ACAN: variants seen among roughly 807,000 people sequenced by gnomAD.
The protein encoded by ACAN is aggrecan core protein.
Under a neutral mutation model 169.1 loss-of-function variants are expected in ACAN, and 47 were observed. The observed-to-expected ratio is 0.28, with a 90% CI of 0.22 to 0.35. The LOEUF (loss-of-function observed/expected upper bound fraction) is 0.35. Ranked by LOEUF, ACAN falls within the 10% of genes least tolerant of loss-of-function variation. The pLI, the probability that ACAN is intolerant of heterozygous loss-of-function variation, is 1.00. For synonymous variants in ACAN, 1,115 were observed against 1,112.2 expected, an observed-to-expected ratio of 1.00 and a Z score of -0.05; for missense variants, 2,716 against 2,759.9, an observed-to-expected ratio of 0.98 and a Z score of 0.36.
Position 88,838,548 on chromosome 15 carries a change from C to T in ACAN, c.71-115C>T, listed in dbSNP as rs745980965. 2.4e-6 allele frequency: 3 copies of T among 1,260,916 alleles called. No homozygotes were observed. In the African/African-American group the frequency reaches 4.5e-5, roughly 19 times the overall value. 78.1% of individuals were successfully genotyped at this position (1,260,916 alleles called of 1,614,324 possible). On this transcript the variant is annotated intron_variant, in intron 2 of 18. Transcript: ENST00000560601. The surrounding 1 kb of genome is among the most constrained non-coding windows in gnomAD (Gnocchi z 5.1). Reference sequence around the variant, plus strand: ...CATCCCCATCATAGAGACAGACACACTCATCGGATTTCGCTCTCTCAGGAG... The same window carrying T: ...CATCCCCATCATAGAGACAGACACATTCATCGGATTTCGCTCTCTCAGGAG...
intron 9 of ACAN, among the ~76,000 whole-genome samples, chr15:88,848,941 CAGGT>C (rs1457034424): frequency 3.9e-5 from 6 of 152,344 alleles, no homozygotes; most frequent in Middle Eastern, 3.4e-3. Flanking sequence ...GGATAGGTAT[CAGGT>C]ACATCGCTAG....
At chr15:88,806,913 A>G (rs1895697197) in intron 1 of ACAN, among the ~76,000 whole-genome samples, 1 of 152,154 alleles carries the variant, frequency 6.6e-6, no homozygotes, top group South Asian at 2.1e-4. Flanking sequence ...AAAGGTAAGT[A>G]CTGTTTCTGG....
chr15:88,805,181 C>A (rs1182052538), intron 1 of ACAN, among the ~76,000 whole-genome samples: 2 of 152,122 alleles, frequency 1.3e-5, no homozygotes, highest in Admixed American at 1.3e-4. Flanking sequence ...GGACAAGGAG[C>A]AATCAGGTTG....
chr15:88,818,153 T>C (rs4932427), intron 1 of ACAN, among the ~76,000 whole-genome samples: 1 of 152,042 alleles, frequency 6.6e-6, no homozygotes, highest in African/African-American at 2.4e-5. Context: ...ATAGAAAAGA[T>C]GGGATAGAAG....
At position 88,861,931 on chromosome 15, in the gene ACAN, G is replaced by A. The variant is rs577874197; in HGVS notation, c.6946+1492G>A. ...ATTTCCACAGGGCTTTTGTTCCCAC[G>A]ATTTCTCCCCAGATGGCTCTGTAAG... On this transcript the variant is annotated intron_variant, in intron 13 of 18. Coordinates refer to ENST00000560601, the MANE Select transcript of ACAN (RefSeq NM_001369268.1). This position sits in a 1 kb window ranked among gnomAD's most constrained non-coding sequence, Gnocchi z 6.3. 4.6e-5 allele frequency among the ~76,000 whole-genome samples: 7 copies of A among 152,152 alleles called. No homozygotes were observed. Among genetic ancestry groups the A allele is most frequent in the Admixed American group, 3.9e-4 (6 of 15,274 alleles).
chr15:88,871,934 T>G lies in ACAN; in HGVS notation c.7220-69T>G. On this transcript the variant is annotated intron_variant, in intron 15 of 18. Coordinates refer to ENST00000560601, the MANE Select transcript of ACAN (RefSeq NM_001369268.1). This position sits in a 1 kb window ranked among gnomAD's most constrained non-coding sequence, Gnocchi z 7.8. ...TCCTCCTCCATCCCCTCTGCCTCCG[T>G]GAGCTCAAGTTTCTCAGACACCCTC... 405 of 1,381,504 alleles carry G rather than the reference T, an allele frequency of 2.9e-4. No homozygotes were observed. Among genetic ancestry groups the G allele is most frequent in the Non-Finnish European group, 3.8e-4 (366 of 967,406 alleles). The allele number at this position is 1,381,504 out of a possible 1,614,324, so 85.6% of individuals were successfully genotyped here.
Position 88,873,184 on chromosome 15 carries a change from C to T in ACAN, c.7447+159C>T, listed in dbSNP as rs991857648. ...CAGACTGGAGCTGACCTAGGGGTCC[C>T]TCCTAGCACCGGCATCCCAGGGCCA... On this transcript the variant is annotated intron_variant, in intron 17 of 18. Coordinates refer to ENST00000560601, the MANE Select transcript of ACAN (RefSeq NM_001369268.1). This position sits in a 1 kb window ranked among gnomAD's most constrained non-coding sequence, Gnocchi z 7.5. 4.6e-5 allele frequency among the ~76,000 whole-genome samples: 7 copies of T among 152,156 alleles called. No homozygotes were observed. In the East Asian group the frequency reaches 1.2e-3, roughly 25 times the overall value.
Position 88,839,864 on chromosome 15 carries a change from C to A in ACAN, c.455-148C>A. On this transcript the variant is annotated intron_variant, in intron 3 of 18. Transcript: ENST00000560601. This position sits in a 1 kb window ranked among gnomAD's most constrained non-coding sequence, Gnocchi z 4.5. The stretch of plus-strand genomic sequence containing the variant: ...CCAGCAAATTCAGAAGGATCACGTG[C>A]AAAGGTGTACAGGGAGTCATGCATC... 1 of 864,356 alleles carries A rather than the reference C, an allele frequency of 1.2e-6. No homozygotes were observed. The highest frequency in any genetic ancestry group is 1.7e-6 in the Non-Finnish European group (1 of 572,916). The allele number at this position is 864,356 out of a possible 1,614,324, so 53.5% of individuals were successfully genotyped here.
intron 8 of ACAN, 51 bp downstream of exon 8, chr15:88,847,468 T>G (rs1445448998): frequency 1.3e-6 from 2 of 1,483,546 alleles, no homozygotes; most frequent in East Asian, 2.5e-5. Context: ...AGGTCAGGCT[T>G]AAGGAGCCAC....
chr15:88,832,028 A>G (rs1156464436), intron 1 of ACAN, among the ~76,000 whole-genome samples: 2 of 152,142 alleles, frequency 1.3e-5, no homozygotes, highest in African/African-American at 4.8e-5. Context: ...TTTTGACTCA[A>G]TCTTGAAAGT....
intron 5 of ACAN, among the ~76,000 whole-genome samples, chr15:88,842,218 AG>A (rs1379795871): frequency 6.6e-6 from 1 of 152,128 alleles, no homozygotes; most frequent in African/African-American, 2.4e-5. Context: ...ATGCTGTCAA[AG>A]TCCAGCCCAG....
Position 88,872,750 on chromosome 15 carries a change from A to C in ACAN, c.7303-131A>C. 1 of 1,176,342 alleles carries C rather than the reference A, an allele frequency of 8.5e-7. No homozygotes were observed. The highest frequency in any genetic ancestry group is 2.5e-5 in the Admixed American group (1 of 39,860). 72.9% of individuals were successfully genotyped at this position (1,176,342 alleles called of 1,614,324 possible). The stretch of plus-strand genomic sequence containing the variant: ...GATTCCCAGCAGTTTTTGTGCTGCT[A>C]TCAGATGAGCCTGAAGTTGGTGCTA... On this transcript the variant is annotated intron_variant, in intron 16 of 18. Coordinates refer to ENST00000560601, the MANE Select transcript of ACAN (RefSeq NM_001369268.1). This position sits in a 1 kb window ranked among gnomAD's most constrained non-coding sequence, Gnocchi z 5.4.
chr15:88,834,922 T>G (rs1016442634), intron 1 of ACAN, among the ~76,000 whole-genome samples: 1 of 152,160 alleles, frequency 6.6e-6, no homozygotes, highest in African/African-American at 2.4e-5. Context: ...TTCTCTTGGG[T>G]CTTCTTGGGT....
intron 9 of ACAN, among the ~76,000 whole-genome samples, chr15:88,848,904 A>G (rs895524468): frequency 3.3e-5 from 5 of 152,222 alleles, no homozygotes; most frequent in Non-Finnish European, 7.3e-5. Flanking sequence ...GGTGTTCAGT[A>G]AGTGTAAGCC....
rs116530539 is a variant in ACAN at position 88,859,091 on chromosome 15, G to A, written c.6506G>A (p.Gly2169Glu). Residue 2169 changes from glycine (G) to glutamate (E), a missense_variant, in exon 12 of 19, where the codon GGA becomes GAA. Around this residue, in one of 3 missense-constraint regions of ACAN, gnomAD observed 1,389 missense variants for 1,363.7 expected, o/e 1.02. Coordinates refer to ENST00000560601, the MANE Select transcript of ACAN (RefSeq NM_001369268.1). ...GCGTCCGCTGCCCCAGAAGTGAGTG[G>A]AGAATCCACCACCACCAGTGATGTG... ...GEASAAPEVSGESTTTSDVGT... is the reference protein window; with the variant it reads ...GEASAAPEVSEESTTTSDVGT... 1.7e-3 allele frequency: 2,686 copies of A among 1,613,904 alleles called. 49 individuals carry two copies. The African/African-American group carries it at 0.033, about 20-fold the overall frequency.
chr15:88,865,878 A>T, intron 13 of ACAN, among the ~76,000 whole-genome samples: 1 of 152,138 alleles, frequency 6.6e-6, no homozygotes, highest in Admixed American at 6.5e-5. Flanking sequence ...CACACCGGAC[A>T]CCTGGCCTTC....
At position 88,849,805 on chromosome 15, in the gene ACAN, C is replaced by T. The variant is rs1280676024; in HGVS notation, c.2026+74C>T. On this transcript the variant is annotated intron_variant, in intron 10 of 18. Coordinates refer to ENST00000560601, the MANE Select transcript of ACAN (RefSeq NM_001369268.1). The surrounding 1 kb of genome is among the most constrained non-coding windows in gnomAD (Gnocchi z 5.1). ...CCCCACTGGGTTCACCGGATCCTGC[C>T]ACCACCCAGTATCCCATCCATCAGA... 1 of 1,543,456 alleles carries T rather than the reference C, an allele frequency of 6.5e-7. No homozygotes were observed. The highest frequency in any genetic ancestry group is 1.2e-5 in the South Asian group (1 of 85,192).
rs1159932623 is a variant in ACAN at position 88,869,809 on chromosome 15, G to A, written c.7060+1480G>A. On this transcript the variant is annotated intron_variant, in intron 14 of 18. Coordinates refer to ENST00000560601, the MANE Select transcript of ACAN (RefSeq NM_001369268.1). The surrounding 1 kb of genome is among the most constrained non-coding windows in gnomAD (Gnocchi z 4.2). ...TCCTGAGTCCTCACCACTCCACGGT[G>A]CCTCCTGCCTTGGCTCTGTCCCTGT... Among the ~76,000 whole-genome samples, 1 of 152,100 alleles carries A rather than the reference G, an allele frequency of 6.6e-6. No homozygotes were observed. Among genetic ancestry groups the A allele is most frequent in the Admixed American group, 6.5e-5 (1 of 15,274 alleles).
At chr15:88,821,431 G>A (rs891616794) in intron 1 of ACAN, among the ~76,000 whole-genome samples, 1 of 152,172 alleles carries the variant, frequency 6.6e-6, no homozygotes. Context: ...TCTGGCTTTG[G>A]CCTCCCAATA....
Sources: gnomAD v4.1 joint callset for allele counts (sites outside exome capture counted in the v4.1 genomes callset) on GRCh38, gnomAD v4.1.1 for gene constraint, gnomAD v4.1.1 regional missense constraint, Gnocchi (gnomAD v3.1) non-coding constraint, MANE v1.5 for transcripts, NCBI Gene and HGNC (gene_info 2026-07-23, HGNC 2026-07-21) for gene names.